HTR4: variants seen among roughly 807,000 people sequenced by gnomAD.
HTR4 encodes the protein 5-hydroxytryptamine (serotonin) receptor 4, G protein-coupled.
In HTR4, 16 loss-of-function variants were observed where a neutral mutation model predicts 36.8. The ratio of observed to expected loss-of-function variants is 0.43; its 90% CI spans 0.29 to 0.66. The LOEUF is 0.66. Ranked by LOEUF, HTR4 falls within the 30% of genes least tolerant of loss-of-function variation. The pLI is 0.13. For missense variants in HTR4, 438 were observed against 490.9 expected (o/e 0.89, Z 1.02); for synonymous variants, 189 against 185.1 (o/e 1.02, Z -0.17).
At chr5:148,496,852 T>A (rs1441131319) in intron 6 of HTR4, among the ~76,000 whole-genome samples, 1 of 152,234 alleles carries the variant, frequency 6.6e-6, no homozygotes, top group African/African-American at 2.4e-5. Flanking sequence ...TGCTAGTGTA[T>A]CCCTTGCTTC....
At chr5:148,544,023 G>C (rs886358774) in intron 4 of HTR4, among the ~76,000 whole-genome samples, 2 of 152,222 alleles carry the variant, frequency 1.3e-5, no homozygotes, top group African/African-American at 2.4e-5. Flanking sequence ...CAGTTAAAAG[G>C]CTATTGTGGA....
intron 2 of HTR4, among the ~76,000 whole-genome samples, chr5:148,595,319 A>G (rs1270116259): frequency 1.3e-5 from 2 of 152,222 alleles, no homozygotes; most frequent in South Asian, 2.1e-4. Context: ...ACCACGACCA[A>G]TGGACACAGA....
intron 2 of HTR4, among the ~76,000 whole-genome samples, chr5:148,613,361 C>A (rs1752522359): frequency 7.0e-6 from 1 of 142,448 alleles, no homozygotes; most frequent in African/African-American, 2.6e-5. Flanking sequence ...CCCTGGGATG[C>A]AAGGCTGGTT....
At chr5:148,599,746 A>G (rs1246371361) in intron 2 of HTR4, among the ~76,000 whole-genome samples, 1 of 152,090 alleles carries the variant, frequency 6.6e-6, no homozygotes, top group African/African-American at 2.4e-5. Context: ...TATACAAACA[A>G]TATATTATGT....
intron 2 of HTR4, among the ~76,000 whole-genome samples, chr5:148,604,299 A>G (rs1752049644): frequency 6.6e-6 from 1 of 152,196 alleles, no homozygotes; most frequent in African/African-American, 2.4e-5. Flanking sequence ...GAAAGAGGTC[A>G]TAACAATATG....
At chr5:148,456,217 G>A (rs754631603) in intron 5 of HTR4, among the ~76,000 whole-genome samples, 2 of 152,166 alleles carry the variant, frequency 1.3e-5, no homozygotes, top group African/African-American at 4.8e-5. Flanking sequence ...CATGATTCAA[G>A]CATATATTTT....
downstream of HTR4, among the ~76,000 whole-genome samples, chr5:148,475,972 T>C (rs530734618): frequency 9.2e-5 from 14 of 152,340 alleles, no homozygotes; most frequent in South Asian, 2.7e-3. Flanking sequence ...TCAACTTATG[T>C]CCATGTAATG....
intron 2 of HTR4, among the ~76,000 whole-genome samples, chr5:148,591,973 A>G (rs1288007718): frequency 6.6e-6 from 1 of 152,172 alleles, no homozygotes; most frequent in African/African-American, 2.4e-5. Context: ...AGCAGAAGAC[A>G]TGGAAACAAC....
chr5:148,586,129 T>C (rs1252453077), intron 2 of HTR4, among the ~76,000 whole-genome samples: 1 of 152,144 alleles, frequency 6.6e-6, no homozygotes, highest in African/African-American at 2.4e-5. Flanking sequence ...ATGTTTGTTG[T>C]TGGGCTGCAT....
At chr5:148,516,783 A>G (rs929618268) in intron 5 of HTR4, among the ~76,000 whole-genome samples, 3 of 152,154 alleles carry the variant, frequency 2.0e-5, no homozygotes, top group Non-Finnish European at 4.4e-5. Context: ...CATTGTGTAT[A>G]AAAAAGTACA....
rs1755909937 is a variant in HTR4, at chr5:148,482,015, C to G, written c.*1188G>C. The stretch of plus-strand genomic sequence containing the variant: ...AACAGAAAGAAAACTTAAAGGTCCT[C>G]TAGTCCAAGCTTGAGTGCACAGATG... On this transcript the variant is annotated 3_prime_UTR_variant, in exon 7 of 7. Transcript: ENST00000377888. 2 of 995,880 alleles carry G rather than the reference C, an allele frequency of 2.0e-6. No individual in the cohort carries two copies. The highest frequency in any genetic ancestry group is 2.4e-6 in the Non-Finnish European group (2 of 836,444). The allele number at this position is 995,880 out of a possible 1,614,324, so 61.7% of individuals were successfully genotyped here.
intron 5 of HTR4, among the ~76,000 whole-genome samples, chr5:148,467,850 T>A (rs1452837549): frequency 6.6e-6 from 1 of 152,218 alleles, no homozygotes; most frequent in South Asian, 2.1e-4. Flanking sequence ...AAACCATAAT[T>A]GTACAAAGCC....
intron 1 of HTR4, among the ~76,000 whole-genome samples, chr5:148,638,707 C>A (rs1488980910): frequency 6.6e-6 from 1 of 152,120 alleles, no homozygotes; most frequent in Non-Finnish European, 1.5e-5. Context: ...ACCAGAAAAA[C>A]TTCTTCTCAT....
intron 4 of HTR4, among the ~76,000 whole-genome samples, chr5:148,547,776 A>C (rs138701006): frequency 1.3e-5 from 2 of 152,112 alleles, no homozygotes; most frequent in Non-Finnish European, 2.9e-5. Context: ...AAAGTGATCT[A>C]TCCCAAGACT....
intron 2 of HTR4, 47 bp downstream of exon 2, chr5:148,636,942 G>T: frequency 1.6e-6 from 2 of 1,227,162 alleles, no homozygotes; most frequent in Non-Finnish European, 2.4e-6. Flanking sequence ...CTTCATAGCA[G>T]AAATGTTCTC....
intron 5 of HTR4, among the ~76,000 whole-genome samples, chr5:148,512,721 AG>A (rs1757552862): frequency 6.6e-6 from 1 of 152,174 alleles, no homozygotes; most frequent in Non-Finnish European, 1.5e-5. Flanking sequence ...ACTTGAGGCC[AG>A]GAGTTTAAGA....
At chr5:148,643,411 C>A (rs1052351806) in intron 1 of HTR4, among the ~76,000 whole-genome samples, 7 of 151,984 alleles carry the variant, frequency 4.6e-5, no homozygotes, top group African/African-American at 1.7e-4. Context: ...TCTAGTGTTT[C>A]TAGAAATCAG....
chr5:148,581,725 T>C (rs375630316), intron 2 of HTR4, among the ~76,000 whole-genome samples: 5 of 152,254 alleles, frequency 3.3e-5, no homozygotes, highest in Admixed American at 1.3e-4. Flanking sequence ...TCTCAAACTG[T>C]GTAAATTACT....
At chr5:148,535,439 C>G (rs2113821081) in intron 4 of HTR4, among the ~76,000 whole-genome samples, 1 of 152,126 alleles carries the variant, frequency 6.6e-6, no homozygotes, top group African/African-American at 2.4e-5. Context: ...TGAAGAGTAT[C>G]AAGATTCAGC....
Sources: allele counts gnomAD v4.1 joint callset (sites outside exome capture counted in the v4.1 genomes callset), GRCh38; gene constraint gnomAD v4.1.1; transcripts MANE v1.5; gene names NCBI Gene and HGNC (gene_info 2026-07-23, HGNC 2026-07-21).